Variants in CTNNA2 observed in about 807,000 individuals in gnomAD.
The protein encoded by CTNNA2 is catenin alpha-2.
CTNNA2 carries 42 observed loss-of-function variants against 101.0 expected under a neutral mutation model. The ratio of observed to expected loss-of-function variants is 0.42; its 90% CI spans 0.32 to 0.54. The LOEUF is 0.54. Among genes scored for constraint, CTNNA2 ranks in the 20% least tolerant of loss-of-function variants. The probability of loss-of-function intolerance (pLI) is 0.14; values close to 1 mark genes in which losing one functional copy is unlikely to be tolerated. For missense variants in CTNNA2, 871 were observed against 1,223.1 expected (o/e 0.71, Z 4.29); for synonymous variants, 450 against 456.4 (o/e 0.99, Z 0.18).
intron 12 of CTNNA2, chr2:80,572,910 G>C (rs1417298133): frequency 6.6e-6 from 1 of 152,182 alleles, no homozygotes; most frequent in Non-Finnish European, 1.5e-5. Flanking sequence ...TAACCCTGCT[G>C]TCTCCCCCTC....
intron 8 of CTNNA2, among the ~76,000 whole-genome samples, chr2:80,401,208 C>T (rs983927048): frequency 6.6e-6 from 1 of 152,058 alleles, no homozygotes; most frequent in Admixed American, 6.6e-5. Context: ...CAGGTAATAT[C>T]CTAGTGCCCA....
rs1360917681 is a variant in CTNNA2, at chr2:80,380,279, T to G, written c.1057-12932T>G. Among the ~76,000 whole-genome samples, 12 of 152,162 alleles carry G rather than the reference T, an allele frequency of 7.9e-5. No individual in the cohort carries two copies. The East Asian group carries it at 1.2e-3, about 15-fold the overall frequency. On this transcript the variant is annotated intron_variant, in intron 7 of 18. Coordinates refer to ENST00000402739, the MANE Select transcript of CTNNA2 (RefSeq NM_001282597.3). ...TCTCGATCTCCTGACTTTGTGATCC[T>G]CCCACCTTGGCCTCCCAAAGTGCTG...
chr2:80,636,492 C>T (rs755214290), intron 18 of CTNNA2, among the ~76,000 whole-genome samples: 3 of 151,950 alleles, frequency 2.0e-5, no homozygotes, highest in Non-Finnish European at 4.4e-5. Flanking sequence ...GAAGGGGGCT[C>T]CCTTTTAGGG....
chr2:80,512,501 T>C (rs1304608588), intron 9 of CTNNA2, among the ~76,000 whole-genome samples: 1 of 152,132 alleles, frequency 6.6e-6, no homozygotes, highest in Non-Finnish European at 1.5e-5. Context: ...ATGGGCCTTC[T>C]CTGATGAGCT....
At chr2:79,626,000 G>A (rs1679278394) in intron 1 of CTNNA2, among the ~76,000 whole-genome samples, 1 of 152,120 alleles carries the variant, frequency 6.6e-6, no homozygotes, top group African/African-American at 2.4e-5. Flanking sequence ...TCCAGCCTGG[G>A]GGAATGAGGG....
intron 3 of CTNNA2, among the ~76,000 whole-genome samples, chr2:79,833,240 T>A (rs1248547865): frequency 6.6e-6 from 1 of 152,180 alleles, no homozygotes; most frequent in South Asian, 2.1e-4. Context: ...CGGAGTTATA[T>A]CAGAAAGGTA....
At chr2:79,977,841 C>T (rs932219949) in intron 7 of CTNNA2, among the ~76,000 whole-genome samples, 5 of 151,996 alleles carry the variant, frequency 3.3e-5, no homozygotes, top group Non-Finnish European at 7.4e-5. Context: ...AATTATCTTT[C>T]TCTGGCCAGA....
intron 9 of CTNNA2, among the ~76,000 whole-genome samples, chr2:80,520,815 C>T (rs114934975): frequency 1.3e-4 from 20 of 152,260 alleles, no homozygotes; most frequent in African/African-American, 4.8e-4. Context: ...CACATTGATT[C>T]GGTGAAAAGC....
chr2:79,579,868 C>G (rs1676041684), intron 1 of CTNNA2, among the ~76,000 whole-genome samples: 1 of 152,146 alleles, frequency 6.6e-6, no homozygotes, highest in Non-Finnish European at 1.5e-5. Context: ...CCTGCCTCGG[C>G]CTTCCAAAGT....
chr2:79,656,742 A>T (rs1223672346), intron 2 of CTNNA2, among the ~76,000 whole-genome samples: 4 of 152,022 alleles, frequency 2.6e-5, no homozygotes, highest in African/African-American at 7.2e-5. Flanking sequence ...TGAACTTTTT[A>T]TAAATTCAAA....
chr2:80,251,820 G>A (rs963418051), intron 7 of CTNNA2, among the ~76,000 whole-genome samples: 2 of 152,232 alleles, frequency 1.3e-5, no homozygotes, highest in Non-Finnish European at 2.9e-5. Flanking sequence ...TGGAGCTAAC[G>A]CCTTTTCCTC....
intron 7 of CTNNA2, among the ~76,000 whole-genome samples, chr2:79,934,109 G>A (rs185489681): frequency 6.6e-6 from 1 of 152,236 alleles, no homozygotes; most frequent in African/African-American, 2.4e-5. Flanking sequence ...AATTTCTAAG[G>A]TTGAGCTTTA....
intron 9 of CTNNA2, among the ~76,000 whole-genome samples, chr2:80,447,455 T>G (rs1449994962): frequency 6.6e-6 from 1 of 152,196 alleles, no homozygotes; most frequent in Non-Finnish European, 1.5e-5. Flanking sequence ...GTTGTTGTGT[T>G]ATTTCTCTTA....
chr2:79,300,553 G>GA (rs1213606541), intron 2 of CTNNA2, among the ~76,000 whole-genome samples: 1 of 152,086 alleles, frequency 6.6e-6, no homozygotes, highest in East Asian at 1.9e-4. Context: ...GTATACTGTT[G>GA]AAAAAATTCT....
intron 7 of CTNNA2, among the ~76,000 whole-genome samples, chr2:80,332,964 G>A (rs908242818): frequency 4.6e-5 from 7 of 152,094 alleles, no homozygotes; most frequent in Non-Finnish European, 8.8e-5. Context: ...TGCGACATTT[G>A]AAAATTATAT....
intron 1 of CTNNA2, among the ~76,000 whole-genome samples, chr2:79,530,695 G>A (rs1310217238): frequency 6.6e-6 from 1 of 152,188 alleles, no homozygotes; most frequent in African/African-American, 2.4e-5. Flanking sequence ...CTTCAGTCAA[G>A]TGGTCACCTC....
intron 7 of CTNNA2, among the ~76,000 whole-genome samples, chr2:80,342,062 A>G (rs1472513155): frequency 6.6e-6 from 1 of 152,228 alleles, no homozygotes; most frequent in African/African-American, 2.4e-5. Flanking sequence ...CAGAACAGGC[A>G]AATCTAGAGA....
intron 4 of CTNNA2, among the ~76,000 whole-genome samples, chr2:79,451,599 A>G (rs1670751057): frequency 6.6e-6 from 1 of 151,996 alleles, no homozygotes; most frequent in Non-Finnish European, 1.5e-5. Context: ...AAAGTCAGAA[A>G]TCTAGAGCAT....
chr2:80,218,734 T>A (rs1708412143), intron 7 of CTNNA2, among the ~76,000 whole-genome samples: 1 of 152,220 alleles, frequency 6.6e-6, no homozygotes, highest in South Asian at 2.1e-4. Context: ...AAGGACTCAA[T>A]AAATATAGCT....
Sources: gnomAD v4.1 joint callset for allele counts (sites outside exome capture counted in the v4.1 genomes callset) on GRCh38, gnomAD v4.1.1 for gene constraint, MANE v1.5 for transcripts, NCBI Gene and HGNC (gene_info 2026-07-23, HGNC 2026-07-21) for gene names.